Variants in PARP15 observed in about 807,000 individuals in gnomAD.
The protein encoded by PARP15 is poly(ADP-ribose) polymerase family member 15, also known as protein mono-ADP-ribosyltransferase PARP15.
In PARP15, 50 loss-of-function variants were observed where a neutral mutation model predicts 62.1. The ratio of observed to expected loss-of-function variants is 0.81; its 90% CI spans 0.64 to 1.02. The LOEUF (loss-of-function observed/expected upper bound fraction) is 1.02, where lower values mean the gene tolerates loss of function less well. PARP15 is among the 50% of genes least tolerant of loss of function. The probability of loss-of-function intolerance (pLI) is 0.00; values close to 1 mark genes in which losing one functional copy is unlikely to be tolerated. For missense variants in PARP15, 820 were observed against 826.5 expected (o/e 0.99, Z 0.10); for synonymous variants, 309 against 293.1 (o/e 1.05, Z -0.55).
At chr3:122,635,380 T>A (rs942069335) in intron 11 of PARP15, among the ~76,000 whole-genome samples, 186 bp downstream of exon 11, 7 of 151,978 alleles carry the variant, frequency 4.6e-5, no homozygotes, top group Non-Finnish European at 8.8e-5. Context: ...TTAGAAATGA[T>A]GAAAAATAAC....
rs148137035 is a variant in PARP15 at position 122,581,130 on chromosome 3, C to T, written c.186+3277C>T. Among the ~76,000 whole-genome samples the T allele has an allele frequency of 4.5e-3, 685 of 152,282 alleles. 5 individuals are homozygous for T. The highest frequency in any genetic ancestry group is 0.016 in the African/African-American group (661 of 41,542). On this transcript the variant is annotated intron_variant, in intron 1 of 11. Transcript: ENST00000464300. Reference sequence around the variant, plus strand: ...GGTGTTCACACAATGACAGAATTGCCTAATAACACATTTATCAGACTGTAT... The same window carrying T: ...GGTGTTCACACAATGACAGAATTGCTTAATAACACATTTATCAGACTGTAT...
chr3:122,632,603 T>A (rs1158935756), intron 10 of PARP15, among the ~76,000 whole-genome samples: 2 of 152,240 alleles, frequency 1.3e-5, no homozygotes, highest in Non-Finnish European at 2.9e-5. Flanking sequence ...GTGTCAGCTT[T>A]GTTTTAAGGC....
chr3:122,591,016 A>G (rs1175098419), intron 1 of PARP15, among the ~76,000 whole-genome samples: 1 of 152,238 alleles, frequency 6.6e-6, no homozygotes, highest in East Asian at 1.9e-4. Context: ...ACTTTACAAA[A>G]TATAATGTTT....
chr3:122,630,162 C>A (rs188467057), intron 9 of PARP15, among the ~76,000 whole-genome samples: 1 of 152,140 alleles, frequency 6.6e-6, no homozygotes, highest in African/African-American at 2.4e-5. Context: ...TCTGTGAAGC[C>A]GTGGGCTGCA....
Position 122,613,068 on chromosome 3 carries a change from T to G in PARP15, c.571T>G (p.Leu191Val), listed in dbSNP as rs1193675340. The G allele has an allele frequency of 1.3e-6, 2 of 1,551,884 alleles. No homozygotes were observed. Among genetic ancestry groups the G allele is most frequent in the South Asian group, 1.2e-5 (1 of 84,066 alleles). Residue 191 changes from leucine to valine, a missense_variant, in exon 4 of 12, where the codon TTG becomes GTG. Transcript: ENST00000464300. ...QIMANIIKKCLTTVEVLSFSS... is the reference protein window; with the variant it reads ...QIMANIIKKCVTTVEVLSFSS... Reference sequence around the variant, plus strand: ...CATGGCAAATATAATCAAGAAATGTTTGACAACTGTAGAAGTGCTATCTTT... The same window carrying G: ...CATGGCAAATATAATCAAGAAATGTGTGACAACTGTAGAAGTGCTATCTTT...
At chr3:122,595,619 G>A (rs552101337) in intron 1 of PARP15, among the ~76,000 whole-genome samples, 1 of 152,200 alleles carries the variant, frequency 6.6e-6, no homozygotes, top group Non-Finnish European at 1.5e-5. Flanking sequence ...GCACGATCTT[G>A]GCCCACTGCC....
intron 10 of PARP15, 30 bp from the exon 11 acceptor site, chr3:122,634,990 C>G: frequency 1.2e-6 from 2 of 1,609,712 alleles, no homozygotes; most frequent in Admixed American, 1.7e-5. Context: ...AAGGTCCTTT[C>G]TGAAATATTT....
chr3:122,615,561 G>A, intron 4 of PARP15: 2 of 1,196,140 alleles, frequency 1.7e-6, no homozygotes, highest in Non-Finnish European at 2.3e-6. Flanking sequence ...TGCCTGGACA[G>A]TGTTAGTTTA....
chr3:122,628,088 C>T (rs1349867484), intron 9 of PARP15, among the ~76,000 whole-genome samples: 1 of 152,194 alleles, frequency 6.6e-6, no homozygotes, highest in Non-Finnish European at 1.5e-5. Context: ...TCTTTTTCCT[C>T]AAGCTTCATA....
chr3:122,597,006 A>G (rs778390735), intron 1 of PARP15, among the ~76,000 whole-genome samples: 6 of 152,238 alleles, frequency 3.9e-5, no homozygotes, highest in Non-Finnish European at 7.3e-5. Context: ...GGCTACTACA[A>G]CAAAATACCT....
chr3:122,607,329 G>C (rs910518228), intron 2 of PARP15, among the ~76,000 whole-genome samples: 3 of 152,152 alleles, frequency 2.0e-5, no homozygotes, highest in Non-Finnish European at 4.4e-5. Context: ...TGGGTAAGCA[G>C]ACCAACTCTA....
At chr3:122,635,300 T>A in intron 11 of PARP15, 106 bp downstream of exon 11, 2 of 1,010,798 alleles carry the variant, frequency 2.0e-6, no homozygotes, top group Non-Finnish European at 2.9e-6. Context: ...ATTATCACTG[T>A]CAGAATAGAG....
At chr3:122,608,828 C>T (rs952446884) in intron 2 of PARP15, among the ~76,000 whole-genome samples, 9 of 147,630 alleles carry the variant, frequency 6.1e-5, no homozygotes, top group Middle Eastern at 7.0e-3. Flanking sequence ...AGTGCAGTGG[C>T]GCAGTCACGG....
intron 4 of PARP15, chr3:122,615,030 C>CAAAAAAAAAAAAAAAAAAAA (rs11356111): frequency 1.4e-6 from 1 of 736,734 alleles, no homozygotes; most frequent in Admixed American, 1.3e-4. Flanking sequence ...ACTCTGTCTG[C>CAAAAAAAAAAAAAAAAAAAA]AAAAAAAAAA....
At chr3:122,587,265 C>T (rs1462985770) in intron 1 of PARP15, among the ~76,000 whole-genome samples, 1 of 152,150 alleles carries the variant, frequency 6.6e-6, no homozygotes, top group Non-Finnish European at 1.5e-5. Flanking sequence ...TATTTATGTG[C>T]AGATTTTTGC....
intron 1 of PARP15, among the ~76,000 whole-genome samples, chr3:122,583,156 T>C (rs978921385): frequency 8.8e-5 from 13 of 148,060 alleles, no homozygotes; most frequent in African/African-American, 3.3e-4. Flanking sequence ...GTATTGCTCT[T>C]GTTGCCCAAG....
In PARP15 at chr3:122,636,054, T is replaced by G. The variant is rs747513128; in HGVS notation, c.1991T>G (p.Phe664Cys). 6.2e-7 allele frequency: 1 copy of G among 1,614,086 alleles called. No homozygotes were observed. The highest frequency in any genetic ancestry group is 8.5e-7 in the Non-Finnish European group (1 of 1,179,950). The part of the protein sequence containing the change: ...TRSPKLFVVF[F>C]DNQAYPEYLI... ...TCTCCAAAGCTATTTGTGGTATTCT[T>G]TGATAATCAGGCTTACCCAGAATAT... is the stretch of plus-strand genomic sequence containing the variant. The change falls in exon 12 of 12, where the codon TTT becomes TGT. Residue 664 changes from phenylalanine to cysteine, a missense_variant. Phe to Cys is a radical substitution (Grantham distance 205). Transcript: ENST00000464300.
At chr3:122,607,320 G>A (rs986125374) in intron 2 of PARP15, among the ~76,000 whole-genome samples, 1 of 152,142 alleles carries the variant, frequency 6.6e-6, no homozygotes. Flanking sequence ...ATAGTGTGGT[G>A]GGTAAGCAGA....
chr3:122,604,143 G>A (rs768998859), intron 1 of PARP15, among the ~76,000 whole-genome samples: 1 of 152,208 alleles, frequency 6.6e-6, no homozygotes. Context: ...ACTGAACTGG[G>A]TGTCAAGAGA....
Sources: gnomAD v4.1 joint callset for allele counts (sites outside exome capture counted in the v4.1 genomes callset) on GRCh38, gnomAD v4.1.1 for gene constraint, MANE v1.5 for transcripts, NCBI Gene and HGNC (gene_info 2026-07-23, HGNC 2026-07-21) for gene names.